Variants in SCRN1 observed in about 807,000 individuals in gnomAD.
SCRN1 encodes secernin 1, also known as secernin-1.
In SCRN1, 19 loss-of-function variants were observed where a neutral mutation model predicts 43.3. The observed-to-expected ratio is 0.44, with a 90% CI of 0.31 to 0.64. The LOEUF is 0.64. Among genes scored for constraint, SCRN1 ranks in the 30% least tolerant of loss-of-function variants. The pLI is 0.09. For synonymous variants in SCRN1, 183 were observed against 188.9 expected (o/e 0.97, Z 0.26); for missense variants, 447 against 524.1 (o/e 0.85, Z 1.44).
At chr7:29,942,401 T>C (rs1395620560) in intron 4 of SCRN1, among the ~76,000 whole-genome samples, 1 of 152,196 alleles carries the variant, frequency 6.6e-6, no homozygotes, top group Non-Finnish European at 1.5e-5. Context: ...AATGGAAGCA[T>C]TCATTTTGTG....
upstream of SCRN1, chr7:29,989,807 G>A (rs2127937873): frequency 2.0e-6 from 2 of 989,702 alleles, no homozygotes; most frequent in South Asian, 4.7e-5. Flanking sequence ...GACTCCCGGC[G>A]CTGGGGCCCG....
Position 29,923,439 on chromosome 7 carries a change from C to T in SCRN1, c.*518G>A, listed in dbSNP as rs1270873985. 1 of 153,498 alleles carries T rather than the reference C, an allele frequency of 6.5e-6. No homozygotes were observed. Among genetic ancestry groups the T allele is most frequent in the African/African-American group, 2.4e-5 (1 of 41,440 alleles). The allele number at this position is 153,498 out of a possible 1,614,324, so 9.5% of individuals were successfully genotyped here. On this transcript the variant is annotated 3_prime_UTR_variant, in exon 8 of 8. Coordinates refer to ENST00000242059, the MANE Select transcript of SCRN1 (RefSeq NM_014766.5). The stretch of plus-strand genomic sequence containing the variant: ...GCCCCCCAGAAGACACCTGTAGAGA[C>T]ACTGTGCACTACAGGCATGCACTCA...
At chr7:29,953,630 T>C (rs922033451) in intron 3 of SCRN1, among the ~76,000 whole-genome samples, 1 of 152,220 alleles carries the variant, frequency 6.6e-6, no homozygotes, top group African/African-American at 2.4e-5. Context: ...TGGCTTTTTC[T>C]GCCTTTTCCC....
rs985137684 is a variant in SCRN1 at position 29,936,479 on chromosome 7, G to A, written c.905+77C>T. The stretch of plus-strand genomic sequence containing the variant: ...ATCCAAGGGGAGGACATGGTCAGGC[G>A]CTTACTACGCACTTGCTGAATGAGC... On this transcript the variant is annotated intron_variant, in intron 6 of 7. Transcript: ENST00000242059. 20 of 1,321,446 alleles carry A rather than the reference G, an allele frequency of 1.5e-5. No homozygotes were observed. In the East Asian group the frequency reaches 2.0e-4, roughly 13 times the overall value. The allele number at this position is 1,321,446 out of a possible 1,614,324, so 81.9% of individuals were successfully genotyped here.
chr7:29,925,542 T>G (rs1786916267), intron 7 of SCRN1, among the ~76,000 whole-genome samples: 1 of 152,174 alleles, frequency 6.6e-6, no homozygotes, highest in Non-Finnish European at 1.5e-5. Flanking sequence ...CAGCAAAATA[T>G]AGGCTTGAAT....
chr7:29,967,079 AAAG>A (rs1788520646), intron 2 of SCRN1, among the ~76,000 whole-genome samples: 1 of 152,202 alleles, frequency 6.6e-6, no homozygotes, highest in South Asian at 2.1e-4. Flanking sequence ...ACAGAGCACC[AAAG>A]AATAGAGGTT....
chr7:29,989,922 A>T, upstream of SCRN1: 1 of 1,086,774 alleles, frequency 9.2e-7, no homozygotes, highest in Non-Finnish European at 1.1e-6. Flanking sequence ...GTCTGGCTGC[A>T]CGGGCCGCGG....
chr7:29,936,147 GT>G (rs1407001799), intron 6 of SCRN1, among the ~76,000 whole-genome samples: 1 of 152,186 alleles, frequency 6.6e-6, no homozygotes, highest in African/African-American at 2.4e-5. Flanking sequence ...GGAACTGGTT[GT>G]TTTGATAAAT....
chr7:29,986,032 C>T (rs554067919), intron 1 of SCRN1, among the ~76,000 whole-genome samples: 89 of 152,298 alleles, frequency 5.8e-4, no homozygotes, highest in Middle Eastern at 3.4e-3. Context: ...GTCAGGAGTT[C>T]GAGACCAGCC....
intron 1 of SCRN1, 192 bp from the exon 2 acceptor site, chr7:29,969,260 A>T (rs923730781): frequency 4.9e-6 from 3 of 610,550 alleles, no homozygotes; most frequent in African/African-American, 3.7e-5. Context: ...CCGAGACCAG[A>T]TATTGTTTAA....
chr7:29,990,082 A>G (rs1427916472), upstream of SCRN1: 6 of 1,536,668 alleles, frequency 3.9e-6, no homozygotes, highest in Admixed American at 6.3e-5. Context: ...TCAAGGAGCC[A>G]GGCCCAGCAT....
At chr7:29,936,329 A>T (rs1008224996) in intron 6 of SCRN1, among the ~76,000 whole-genome samples, 4 of 152,246 alleles carry the variant, frequency 2.6e-5, no homozygotes, top group African/African-American at 7.2e-5. Flanking sequence ...TAATAAATTT[A>T]AAAGAACTAC....
intron 1 of SCRN1, among the ~76,000 whole-genome samples, chr7:29,982,429 C>T (rs1418193136): frequency 6.6e-6 from 1 of 150,844 alleles, no homozygotes; most frequent in Non-Finnish European, 1.5e-5. Flanking sequence ...CCTGTAATCA[C>T]AGTAGTTTGG....
intron 6 of SCRN1, among the ~76,000 whole-genome samples, chr7:29,928,971 A>T (rs1210209035): frequency 2.6e-5 from 4 of 152,164 alleles, no homozygotes; most frequent in Non-Finnish European, 4.4e-5. Flanking sequence ...AGTGGGGAGG[A>T]GGAGGGCCAG....
intron 6 of SCRN1, among the ~76,000 whole-genome samples, chr7:29,932,147 C>G (rs541620030): frequency 1.3e-5 from 2 of 151,956 alleles, no homozygotes; most frequent in African/African-American, 4.8e-5. Context: ...ATGTGTAGGA[C>G]AGAGAGAGGA....
intron 6 of SCRN1, among the ~76,000 whole-genome samples, chr7:29,928,366 G>C (rs556550369): frequency 1.4e-4 from 21 of 152,296 alleles, no homozygotes; most frequent in African/African-American, 3.9e-4. Context: ...GTAATGAGAA[G>C]TACTCTCTTA....
At chr7:29,971,583 G>A (rs891513258) in intron 1 of SCRN1, among the ~76,000 whole-genome samples, 4 of 149,484 alleles carry the variant, frequency 2.7e-5, no homozygotes, top group Non-Finnish European at 4.4e-5. Context: ...GCAGTGAGCC[G>A]AGATCACGCC....
intron 6 of SCRN1, among the ~76,000 whole-genome samples, chr7:29,933,817 T>C (rs553402271): frequency 9.9e-5 from 15 of 152,172 alleles, no homozygotes; most frequent in Admixed American, 6.5e-4. Context: ...GACAGACAAG[T>C]GTCCAGGCAG....
chr7:29,948,825 T>C (rs1787819179), intron 3 of SCRN1, among the ~76,000 whole-genome samples: 1 of 152,190 alleles, frequency 6.6e-6, no homozygotes, highest in African/African-American at 2.4e-5. Flanking sequence ...TGTTGGTAGC[T>C]TGAAACCCCT....
Sources: allele counts gnomAD v4.1 joint callset (sites outside exome capture counted in the v4.1 genomes callset), GRCh38; gene constraint gnomAD v4.1.1; transcripts MANE v1.5; gene names NCBI Gene and HGNC (gene_info 2026-07-23, HGNC 2026-07-21).